IL2RA: variants seen among roughly 807,000 people sequenced by gnomAD.
The protein encoded by IL2RA is interleukin-2 receptor subunit alpha.
IL2RA carries 24 observed loss-of-function variants against 37.8 expected under a neutral mutation model. That is an observed-to-expected ratio of 0.63 (90% CI 0.46 to 0.89). The LOEUF is 0.89. IL2RA is among the 40% of genes least tolerant of loss of function. IL2RA has a pLI of 0.00. For missense variants in IL2RA, 319 were observed against 348.6 expected (o/e 0.92, Z 0.68); for synonymous variants, 125 against 114.6 (o/e 1.09, Z -0.58).
chr10:6,055,320 T>C (rs12722495), intron 1 of IL2RA, among the ~76,000 whole-genome samples: 10,590 of 152,252 alleles, frequency 0.07, 508 homozygotes, highest in Non-Finnish European at 0.1. Flanking sequence ...CTAAGTGCGA[T>C]TTGGAAGTAT....
chr10:6,039,315 CACTT>C (rs1027332111), intron 1 of IL2RA: 4 of 152,222 alleles, frequency 2.6e-5, no homozygotes, highest in Non-Finnish European at 5.9e-5. Flanking sequence ...GAAAACATAA[CACTT>C]ACGTACTTCT....
chr10:6,021,732 A>C lies in IL2RA; in HGVS notation c.368-39T>G, dbSNP rs374735363. On this transcript the variant is annotated intron_variant, in intron 3 of 7. Transcript: ENST00000379959. The surrounding 1 kb of genome is among the most constrained non-coding windows in gnomAD (Gnocchi z 4.9). Reference sequence around the variant, plus strand: ...GGAATGCTCTGAAGGCAAGTTGGGGACAGCACCGCGAGTGAGTCCAGGTTG... The same window carrying C: ...GGAATGCTCTGAAGGCAAGTTGGGGCCAGCACCGCGAGTGAGTCCAGGTTG... The C allele has an allele frequency of 1.2e-5, 19 of 1,574,762 alleles. No individual in the cohort carries two copies. The African/African-American group carries it at 2.3e-4, about 19-fold the overall frequency.
At chr10:6,042,167 A>AAAAAAAAAAAAAAAAAAG (rs1564549506) in intron 1 of IL2RA, among the ~76,000 whole-genome samples, 1 of 149,122 alleles carries the variant, frequency 6.7e-6, no homozygotes, top group Non-Finnish European at 1.5e-5. Flanking sequence ...AAAAAAAAAA[A>AAAAAAAAAAAAAAAAAAG]ATTCTGATCA....
chr10:6,028,780 C>A lies in IL2RA; in HGVS notation c.65-2755G>T, dbSNP rs1462967357. Among the ~76,000 whole-genome samples the A allele has an allele frequency of 6.6e-6, 1 of 152,112 alleles. No homozygotes were observed. The highest frequency in any genetic ancestry group is 2.4e-5 in the African/African-American group (1 of 41,422). The stretch of plus-strand genomic sequence containing the variant: ...TGGGGCGACAAGGCAGGCGGATCAT[C>A]TGAGGTCAGGAGTTCCAGACCAGCC... On this transcript the variant is annotated intron_variant, in intron 1 of 7. Transcript: ENST00000379959. The surrounding 1 kb of genome is among the most constrained non-coding windows in gnomAD (Gnocchi z 4.1).
chr10:6,061,640 C>T (rs545222215), intron 1 of IL2RA, among the ~76,000 whole-genome samples: 1 of 152,114 alleles, frequency 6.6e-6, no homozygotes, highest in East Asian at 1.9e-4. Flanking sequence ...TTAAATTCTC[C>T]CAGTGTTTGA....
Position 6,057,923 on chromosome 10 carries a change from C to G in IL2RA, c.64+4165G>C, listed in dbSNP as rs12722623. Among the ~76,000 whole-genome samples, 6,104 of 152,178 alleles carry G rather than the reference C, an allele frequency of 0.04. 441 individuals carry two copies. Among genetic ancestry groups the G allele is most frequent in the African/African-American group, 0.14 (5,815 of 41,496 alleles). On this transcript the variant is annotated intron_variant, in intron 1 of 7. Transcript: ENST00000379959. The surrounding 1 kb of genome is among the most constrained non-coding windows in gnomAD (Gnocchi z 4.8). ...GGCAGATCACCTGAGGTCAGGAGTT[C>G]GAGACCAGCCTGGCCAACTTGGTGA...
rs148353696 is a variant in IL2RA at position 6,050,836 on chromosome 10, C to T, written c.64+11252G>A. Among the ~76,000 whole-genome samples, 37 of 152,232 alleles carry T rather than the reference C, an allele frequency of 2.4e-4. 1 individual carries two copies. Among genetic ancestry groups the T allele is most frequent in the Middle Eastern group, 3.4e-3 (1 of 294 alleles). On this transcript the variant is annotated intron_variant, in intron 1 of 7. Transcript: ENST00000379959. ...TGCCCTGGCTACAGGTCCTCTTGCA[C>T]TAGATTGAAAACGGGGCCAGAGAAG...
chr10:6,031,478 A>G (rs865808254), intron 1 of IL2RA, among the ~76,000 whole-genome samples: 675 of 28,002 alleles, frequency 0.024, 23 homozygotes, highest in African/African-American at 0.094. Flanking sequence ...ATATATATAT[A>G]TATATATATA....
At position 6,054,698 on chromosome 10, in the gene IL2RA, A is replaced by G. The variant is rs939946857; in HGVS notation, c.64+7390T>C. 1.3e-5 allele frequency among the ~76,000 whole-genome samples: 2 copies of G among 152,062 alleles called. No homozygotes were observed. Among genetic ancestry groups the G allele is most frequent in the African/African-American group, 4.8e-5 (2 of 41,408 alleles). Reference sequence around the variant, plus strand: ...ACACCATTCTCCAGCCCCTCTCCTGATATTCAGAACCACCATTCAGAGCCA... The same window carrying G: ...ACACCATTCTCCAGCCCCTCTCCTGGTATTCAGAACCACCATTCAGAGCCA... On this transcript the variant is annotated intron_variant, in intron 1 of 7. Transcript: ENST00000379959. The surrounding 1 kb of genome is among the most constrained non-coding windows in gnomAD (Gnocchi z 4.5).
intron 7 of IL2RA, among the ~76,000 whole-genome samples, chr10:6,017,838 A>C (rs1839304545): frequency 6.6e-6 from 1 of 152,114 alleles, no homozygotes; most frequent in African/African-American, 2.4e-5. Flanking sequence ...TTGGCCTCCC[A>C]AAGTGTTGTG....
intron 1 of IL2RA, 180 bp from the exon 2 acceptor site, chr10:6,026,205 A>G (rs1391676346): frequency 4.5e-6 from 3 of 659,904 alleles, no homozygotes; most frequent in Non-Finnish European, 7.8e-6. Flanking sequence ...TTTGTATCAG[A>G]GCTGGCTCAA....
At chr10:6,031,512 G>GTATATGTATATATA (rs1839591684) in intron 1 of IL2RA, among the ~76,000 whole-genome samples, 1 of 52,698 alleles carries the variant, frequency 1.9e-5, no homozygotes, top group Non-Finnish European at 3.7e-5. Context: ...ATATATATAT[G>GTATATGTATATATA]TATATATATG....
rs1839682636 is a variant in IL2RA at position 6,036,351 on chromosome 10, T to A, written c.65-10326A>T. Reference sequence around the variant, plus strand: ...CTCCACTCTCAGTCACTCGTCACTCTTCCCAGAAGGACAAATGTGCAGCTT... The same window carrying A: ...CTCCACTCTCAGTCACTCGTCACTCATCCCAGAAGGACAAATGTGCAGCTT... On this transcript the variant is annotated intron_variant, in intron 1 of 7. Transcript: ENST00000379959. The surrounding 1 kb of genome is among the most constrained non-coding windows in gnomAD (Gnocchi z 6.1). 1.3e-5 allele frequency: 2 copies of A among 152,196 alleles called. No individual in the cohort carries two copies. Among genetic ancestry groups the A allele is most frequent in the African/African-American group, 4.8e-5 (2 of 41,458 alleles). The allele number at this position is 152,196 out of a possible 1,614,324, so 9.4% of individuals were successfully genotyped here.
intron 1 of IL2RA, among the ~76,000 whole-genome samples, chr10:6,051,508 TATATATATA>T (rs1178653014): frequency 8.8e-6 from 1 of 113,174 alleles, no homozygotes; most frequent in African/African-American, 3.3e-5. Flanking sequence ...TATATATATA[TATATATATA>T]TTTTTTTTCT....
intron 1 of IL2RA, among the ~76,000 whole-genome samples, chr10:6,041,186 T>C (rs796520514): frequency 4.6e-5 from 7 of 151,746 alleles, no homozygotes; most frequent in African/African-American, 1.7e-4. Context: ...GGTGCAATCT[T>C]GGCTCACTGC....
chr10:6,019,341 A>G, intron 6 of IL2RA, 87 bp downstream of exon 6: 1 of 1,008,032 alleles, frequency 9.9e-7, no homozygotes, highest in Non-Finnish European at 1.6e-6. Context: ...CCTACCAGCC[A>G]ACCAACTAAC....
chr10:6,042,571 A>G (rs1001370441), intron 1 of IL2RA, among the ~76,000 whole-genome samples: 2 of 152,206 alleles, frequency 1.3e-5, no homozygotes, highest in African/African-American at 4.8e-5. Flanking sequence ...AACAAAAAAT[A>G]AAATTGTCAT....
intron 1 of IL2RA, among the ~76,000 whole-genome samples, chr10:6,060,805 C>T (rs12722619): frequency 2.7e-4 from 41 of 151,964 alleles, no homozygotes; most frequent in African/African-American, 8.9e-4. Context: ...AATAAAATGC[C>T]CTCTTTAAAG....
In IL2RA at chr10:6,020,852, A is replaced by G. The variant is rs975869383; in HGVS notation, c.583+626T>C. On this transcript the variant is annotated intron_variant, in intron 4 of 7. Transcript: ENST00000379959. This position sits in a 1 kb window ranked among gnomAD's most constrained non-coding sequence, Gnocchi z 5.6. ...CCAGCCTGCATGTAAGTCACTTTTG[A>G]TTGTCGTGATACTAATAAGATTTCA... Among the ~76,000 whole-genome samples the G allele has an allele frequency of 6.6e-6, 1 of 151,932 alleles. No individual in the cohort carries two copies. Among genetic ancestry groups the G allele is most frequent in the Admixed American group, 6.6e-5 (1 of 15,262 alleles).
Sources: allele counts gnomAD v4.1 joint callset (sites outside exome capture counted in the v4.1 genomes callset), GRCh38; gene constraint gnomAD v4.1.1; non-coding constraint Gnocchi (gnomAD v3.1); transcripts MANE v1.5; gene names NCBI Gene and HGNC (gene_info 2026-07-23, HGNC 2026-07-21).